The following BRF1 variants were observed in gnomAD, a reference collection of about 807,000 sequenced individuals.
BRF1 encodes BRF1 general transcription factor IIIB subunit, also known as transcription factor IIIB 90 kDa subunit.
Under a neutral mutation model 81.7 loss-of-function variants are expected in BRF1, and 59 were observed. That is an observed-to-expected ratio of 0.72 (90% CI 0.59 to 0.90). BRF1 has a LOEUF of 0.90. BRF1 is among the 40% of genes least tolerant of loss of function. BRF1 has a pLI of 0.00. For synonymous variants in BRF1, 491 were observed against 395.6 expected (o/e 1.24, Z -2.86); for missense variants, 1,050 against 936.3 (o/e 1.12, Z -1.58).
chr14:105,306,254 G>T (rs1363211754), intron 1 of BRF1, among the ~76,000 whole-genome samples: 1 of 152,134 alleles, frequency 6.6e-6, no homozygotes, highest in Non-Finnish European at 1.5e-5. Context: ...CCTCCTGGAG[G>T]CTTTCTTCAT....
chr14:105,215,942 CACAG>C lies in BRF1; in HGVS notation c.1772+1598_1772+1601del, dbSNP rs1433825078. Among the ~76,000 whole-genome samples the C allele has an allele frequency of 4.4e-4, 61 of 138,098 alleles. 1 individual carries two copies. Among genetic ancestry groups the C allele is most frequent in the African/African-American group, 1.5e-3 (56 of 37,162 alleles). 90.6% of individuals were successfully genotyped at this position (138,098 alleles called of 152,430 possible). ...CAGACAGGCACACACACACTGCATA[CACAG>C]ACACAGGCACACACACACATGCACA... is the stretch of plus-strand genomic sequence containing the variant. On this transcript the variant is annotated intron_variant, in intron 15 of 17. Coordinates refer to ENST00000547530, the MANE Select transcript of BRF1 (RefSeq NM_001519.4).
At chr14:105,251,365 G>T (rs1174852702) in intron 5 of BRF1, among the ~76,000 whole-genome samples, 4 of 152,186 alleles carry the variant, frequency 2.6e-5, no homozygotes, top group Admixed American at 2.6e-4. Flanking sequence ...AGACTGTCGG[G>T]GGAGCATTCT....
At chr14:105,296,138 T>A (rs1408668163) in intron 1 of BRF1, among the ~76,000 whole-genome samples, 2 of 141,712 alleles carry the variant, frequency 1.4e-5, no homozygotes, top group African/African-American at 2.7e-5. Flanking sequence ...AGGGGCCAGG[T>A]GTGGTGGCTC....
intron 6 of BRF1, among the ~76,000 whole-genome samples, chr14:105,229,663 C>T (rs1246325293): frequency 1.9e-4 from 29 of 150,458 alleles, no homozygotes; most frequent in Admixed American, 6.6e-4. Flanking sequence ...CCTGGCAGCC[C>T]CGTGGCACCC....
At chr14:105,287,396 G>T (rs2057354479) in intron 1 of BRF1, among the ~76,000 whole-genome samples, 1 of 152,178 alleles carries the variant, frequency 6.6e-6, no homozygotes, top group South Asian at 2.1e-4. Context: ...CCCAAAGATG[G>T]GGAGAGCTGG....
At position 105,291,023 on chromosome 14, in the gene BRF1, ACTT is replaced by A. The variant is rs1346559361; in HGVS notation, c.185-4650_185-4648del. Among the ~76,000 whole-genome samples the A allele has an allele frequency of 2.0e-5, 3 of 152,270 alleles. No homozygotes were observed. In the East Asian group the frequency reaches 5.8e-4, roughly 29 times the overall value. On this transcript the variant is annotated intron_variant, in intron 1 of 17. Transcript: ENST00000547530. ...GGCTGAAACTGCCAGGATGCCCTCTACTTCTAAAAACATTTGGTATTTTCCATA... is the reference window on the plus strand; with the variant it reads ...GGCTGAAACTGCCAGGATGCCCTCTACTAAAAACATTTGGTATTTTCCATA...
In BRF1 at chr14:105,241,296, T is replaced by C; in HGVS notation, c.663A>G (p.Thr221=). The change falls in exon 6 of 18, where the codon ACA becomes ACG. Residue 221 remains threonine, a synonymous_variant. Coordinates refer to ENST00000547530, the MANE Select transcript of BRF1 (RefSeq NM_001519.4). The part of the protein sequence containing the change: ...LQRMKRDWMH[T]GRRPSGLCGA... ...CGCAGAGGCCCGAGGGGCGCCGGCCTGTGTGCATCCAGTCCCGCTTCATCC... is the reference window on the plus strand; with the variant it reads ...CGCAGAGGCCCGAGGGGCGCCGGCCCGTGTGCATCCAGTCCCGCTTCATCC... 1.2e-6 allele frequency: 2 copies of C among 1,612,522 alleles called. No homozygotes were observed. The highest frequency in any genetic ancestry group is 8.5e-7 in the Non-Finnish European group (1 of 1,179,884).
At chr14:105,254,810 C>T (rs1457033765) in intron 4 of BRF1, among the ~76,000 whole-genome samples, 2 of 152,192 alleles carry the variant, frequency 1.3e-5, no homozygotes, top group Non-Finnish European at 2.9e-5. Context: ...GATCTGCCTG[C>T]CTCAGCCTCC....
At chr14:105,254,423 A>AT (rs1271694446) in intron 4 of BRF1, among the ~76,000 whole-genome samples, 2 of 151,716 alleles carry the variant, frequency 1.3e-5, no homozygotes, top group Non-Finnish European at 2.9e-5. Context: ...CGCCCAGCTA[A>AT]TTTTTTTGTG....
At chr14:105,310,928 C>T (rs2058336630) in intron 1 of BRF1, among the ~76,000 whole-genome samples, 1 of 152,214 alleles carries the variant, frequency 6.6e-6, no homozygotes, top group African/African-American at 2.4e-5. Flanking sequence ...TAAATACATA[C>T]TGCACATGGA....
At position 105,309,234 on chromosome 14, in the gene BRF1, A is replaced by G. The variant is rs760669844; in HGVS notation, c.-162+6088T>C. ...AAAGAAGTGTTAAAATTTATGCATC[A>G]AGGTCCCTCTTAATCTTGGGGCTCA... On this transcript the variant is annotated intron_variant, in intron 1 of 17. Coordinates refer to the BRF1 transcript ENST00000327359. This position sits in a 1 kb window ranked among gnomAD's most constrained non-coding sequence, Gnocchi z 4.0. 1.8e-4 allele frequency among the ~76,000 whole-genome samples: 27 copies of G among 152,160 alleles called. No homozygotes were observed. Among genetic ancestry groups the G allele is most frequent in the Non-Finnish European group, 3.2e-4 (22 of 68,028 alleles).
chr14:105,241,047 G>T (rs1052713203), intron 6 of BRF1, among the ~76,000 whole-genome samples: 2 of 152,208 alleles, frequency 1.3e-5, no homozygotes, highest in African/African-American at 2.4e-5. Flanking sequence ...TGAGAGTTCT[G>T]CCCCTTATGC....
intron 3 of BRF1, among the ~76,000 whole-genome samples, chr14:105,259,851 A>G (rs1195761427): frequency 1.3e-5 from 2 of 152,226 alleles, no homozygotes; most frequent in Admixed American, 6.5e-5. Flanking sequence ...CAGAGGTTGC[A>G]GTAAGCTGAG....
intron 5 of BRF1, chr14:105,249,240 C>T (rs1229495760): frequency 1.5e-5 from 23 of 1,580,450 alleles, no homozygotes; most frequent in Non-Finnish European, 1.9e-5. Flanking sequence ...ACGGTGCCCG[C>T]CCACAAGGTG....
At chr14:105,273,146 G>A (rs1336609812) in intron 2 of BRF1, among the ~76,000 whole-genome samples, 2 of 152,122 alleles carry the variant, frequency 1.3e-5, no homozygotes, top group Non-Finnish European at 2.9e-5. Context: ...TGGCGTGTGC[G>A]GTGTGGCTGA....
In BRF1 at chr14:105,269,585, A is replaced by C. The variant is rs1318805408; in HGVS notation, c.439+3136T>G. ...CGTGAGCCTCGGTGGGGACACAGGT[A>C]CTCTTTTCCCTTGGGCACACACTTA... On this transcript the variant is annotated intron_variant, in intron 3 of 17. Transcript: ENST00000547530. The surrounding 1 kb of genome is among the most constrained non-coding windows in gnomAD (Gnocchi z 5.0). Among the ~76,000 whole-genome samples the C allele has an allele frequency of 6.6e-6, 1 of 151,798 alleles. No homozygotes were observed. The highest frequency in any genetic ancestry group is 2.4e-5 in the African/African-American group (1 of 41,312).
At chr14:105,250,366 G>A in intron 5 of BRF1, 1 of 1,613,760 alleles carries the variant, frequency 6.2e-7, no homozygotes, top group Non-Finnish European at 8.5e-7. Context: ...GGAAGGCTGA[G>A]TACAGCGTGA....
chr14:105,252,936 C>T (rs1407465539), intron 4 of BRF1, among the ~76,000 whole-genome samples: 2 of 152,254 alleles, frequency 1.3e-5, no homozygotes, highest in Admixed American at 1.3e-4. Flanking sequence ...CATGTGCTCC[C>T]ACCAGCCACA....
intron 15 of BRF1, among the ~76,000 whole-genome samples, chr14:105,215,265 C>T (rs3784226): frequency 0.048 from 7,266 of 152,100 alleles, 232 homozygotes; most frequent in Middle Eastern, 0.095. Flanking sequence ...CAGACACATG[C>T]ATGCACACAC....
Sources: gnomAD v4.1 joint callset for allele counts (sites outside exome capture counted in the v4.1 genomes callset) on GRCh38, gnomAD v4.1.1 for gene constraint, Gnocchi (gnomAD v3.1) non-coding constraint, MANE v1.5 for transcripts, NCBI Gene and HGNC (gene_info 2026-07-23, HGNC 2026-07-21) for gene names.